SWT1: variants seen among roughly 807,000 people sequenced by gnomAD.
SWT1 encodes transcriptional protein SWT1.
SWT1 carries 33 observed loss-of-function variants against 107.3 expected under a neutral mutation model. That is an observed-to-expected ratio of 0.31 (90% CI 0.23 to 0.41). The LOEUF is 0.41. Among genes scored for constraint, SWT1 ranks in the 10% least tolerant of loss-of-function variants. The pLI is 1.00. For synonymous variants in SWT1, 345 were observed against 348.3 expected (o/e 0.99, Z 0.11); for missense variants, 898 against 1,028.9 (o/e 0.87, Z 1.74).
chr1:185,170,510 C>A (rs771367245), intron 4 of SWT1, among the ~76,000 whole-genome samples: 2 of 152,132 alleles, frequency 1.3e-5, no homozygotes, highest in Non-Finnish European at 1.5e-5. Context: ...CTTCTTCGTG[C>A]CCCCATTCAG....
intron 16 of SWT1, among the ~76,000 whole-genome samples, chr1:185,234,892 C>T (rs1372205284): frequency 6.6e-6 from 1 of 150,492 alleles, no homozygotes; most frequent in Non-Finnish European, 1.5e-5. Context: ...ACCACCAATC[C>T]CACAGAAATA....
rs1034234752 is a variant in SWT1 at position 185,270,591 on chromosome 1, C to G, written c.2442-732C>G. Among the ~76,000 whole-genome samples, 5 of 152,024 alleles carry G rather than the reference C, an allele frequency of 3.3e-5. No individual in the cohort carries two copies. The East Asian group carries it at 9.6e-4, about 29-fold the overall frequency. On this transcript the variant is annotated intron_variant, in intron 16 of 18. Transcript: ENST00000367500. ...GACTTGGTGGCGCTTGCCTTGTAGA[C>G]CCAGCTACTTGGGAGTCTGAGGTGG...
chr1:185,212,803 C>G (rs1252355366), intron 13 of SWT1, among the ~76,000 whole-genome samples: 4 of 130,394 alleles, frequency 3.1e-5, no homozygotes, highest in Middle Eastern at 4.3e-3. Flanking sequence ...AACTCTGTCT[C>G]AAAAAAAAAA....
At chr1:185,264,177 A>G (rs930368565) in intron 16 of SWT1, 14 of 194,500 alleles carry the variant, frequency 7.2e-5, no homozygotes, top group Non-Finnish European at 1.1e-4. Context: ...GGTTTTGTTC[A>G]CATTTGGCGC....
At chr1:185,219,988 A>T (rs547661134) in intron 14 of SWT1, among the ~76,000 whole-genome samples, 82 of 151,628 alleles carry the variant, frequency 5.4e-4, no homozygotes, top group African/African-American at 1.9e-3. Context: ...TACAACAAAT[A>T]AAAAAAATTA....
chr1:185,256,630 A>G (rs1373194748), intron 16 of SWT1, among the ~76,000 whole-genome samples: 1 of 145,594 alleles, frequency 6.9e-6, no homozygotes, highest in Non-Finnish European at 1.5e-5. Context: ...TTTCAGCTCC[A>G]TCAGCTCCTT....
intron 16 of SWT1, among the ~76,000 whole-genome samples, chr1:185,256,834 T>G (rs1662574376): frequency 1.3e-5 from 2 of 152,242 alleles, no homozygotes; most frequent in Admixed American, 1.3e-4. Flanking sequence ...GGAACTGCGT[T>G]CCTTTGGAAG....
At chr1:185,257,691 A>G (rs1408704364) in intron 16 of SWT1, among the ~76,000 whole-genome samples, 8 of 152,308 alleles carry the variant, frequency 5.3e-5, no homozygotes, top group Middle Eastern at 3.4e-3. Flanking sequence ...GGCACTCCCT[A>G]GTGAGATGAA....
chr1:185,226,940 ATAGAC>A (rs1660113597), intron 15 of SWT1: 1 of 1,018,608 alleles, frequency 9.8e-7, no homozygotes, highest in Non-Finnish European at 1.5e-6. Flanking sequence ...GCGTCTTTTC[ATAGAC>A]TGGATTCTTT....
intron 10 of SWT1, among the ~76,000 whole-genome samples, chr1:185,199,793 C>G (rs532929884): frequency 6.6e-6 from 1 of 152,226 alleles, no homozygotes; most frequent in African/African-American, 2.4e-5. Context: ...GTTGGCCTGT[C>G]CTGCTAGGTT....
chr1:185,175,182 G>T, intron 5 of SWT1, 69 bp downstream of exon 5: 71 of 1,023,540 alleles, frequency 6.9e-5, no homozygotes, highest in South Asian at 1.9e-4. Context: ...AGTTTTTTCT[G>T]TATTTCTATA....
chr1:185,221,764 A>T, intron 14 of SWT1, 85 bp from the exon 15 acceptor site: 1 of 908,954 alleles, frequency 1.1e-6, no homozygotes, highest in Non-Finnish European at 1.6e-6. Context: ...GAAAGCTAGA[A>T]CATTTGTAAG....
chr1:185,235,592 C>T lies in SWT1; in HGVS notation c.2441+3884C>T, dbSNP rs186935466. Among the ~76,000 whole-genome samples, 273 of 152,178 alleles carry T rather than the reference C, an allele frequency of 1.8e-3. 1 individual carries two copies. Among genetic ancestry groups the T allele is most frequent in the African/African-American group, 6.2e-3 (259 of 41,486 alleles). On this transcript the variant is annotated intron_variant, in intron 16 of 18. Transcript: ENST00000367500. Reference sequence around the variant, plus strand: ...ATAATAAGAGCTATTTACGACAAACCCATAGCCAGTATCATACTGAATGGG... The same window carrying T: ...ATAATAAGAGCTATTTACGACAAACTCATAGCCAGTATCATACTGAATGGG...
intron 1 of SWT1, 104 bp from the exon 2 acceptor site, chr1:185,160,729 G>T: frequency 1.3e-6 from 1 of 774,082 alleles, no homozygotes; most frequent in East Asian, 2.8e-5. Flanking sequence ...AATAAAAAGT[G>T]ATCATATTGT....
intron 10 of SWT1, among the ~76,000 whole-genome samples, chr1:185,196,548 A>G (rs1439891886): frequency 6.6e-6 from 1 of 152,206 alleles, no homozygotes; most frequent in Non-Finnish European, 1.5e-5. Flanking sequence ...TGATCAGGAT[A>G]GCATTGAATC....
At chr1:185,179,856 A>G (rs1437888154) in intron 5 of SWT1, among the ~76,000 whole-genome samples, 2 of 152,170 alleles carry the variant, frequency 1.3e-5, no homozygotes, top group Non-Finnish European at 2.9e-5. Context: ...CCCTCAGGGG[A>G]CATTTGGCAA....
chr1:185,259,018 C>T, intron 16 of SWT1, among the ~76,000 whole-genome samples: 1 of 152,212 alleles, frequency 6.6e-6, no homozygotes, highest in East Asian at 1.9e-4. Flanking sequence ...ATGTTGCCTT[C>T]TGAATAATTT....
intron 10 of SWT1, among the ~76,000 whole-genome samples, chr1:185,198,762 G>A (rs200705486): frequency 7.7e-6 from 1 of 129,246 alleles, no homozygotes; most frequent in Non-Finnish European, 1.7e-5. Flanking sequence ...GTTTTTTTTT[G>A]TTTTTTTTTT....
At chr1:185,228,200 T>TATATATACACAC (rs1235462995) in intron 15 of SWT1, among the ~76,000 whole-genome samples, 1 of 144,958 alleles carries the variant, frequency 6.9e-6, no homozygotes, top group African/African-American at 2.7e-5. Context: ...CATATATATA[T>TATATATACACAC]ACTCAGTATG....
Sources: gnomAD v4.1 joint callset for allele counts (sites outside exome capture counted in the v4.1 genomes callset) on GRCh38, gnomAD v4.1.1 for gene constraint, MANE v1.5 for transcripts, NCBI Gene and HGNC (gene_info 2026-07-23, HGNC 2026-07-21) for gene names.